Variants in AKAP13 observed in about 807,000 individuals in gnomAD.
AKAP13 encodes A-kinase anchor protein 13.
AKAP13 carries 80 observed loss-of-function variants against 264.5 expected under a neutral mutation model. That is an observed-to-expected ratio of 0.30 (90% CI 0.25 to 0.36). AKAP13 has a LOEUF of 0.36. Among genes scored for constraint, AKAP13 ranks in the 10% least tolerant of loss-of-function variants. The pLI is 1.00. For synonymous variants in AKAP13, 1,380 were observed against 1,250.2 expected (o/e 1.10, Z -2.19); for missense variants, 3,712 against 3,435.2 (o/e 1.08, Z -2.01).
At position 85,442,645 on chromosome 15, in the gene AKAP13, T is replaced by A. The variant is rs374942262; in HGVS notation, c.-11-43065T>A. 1.4e-4 allele frequency among the ~76,000 whole-genome samples: 21 copies of A among 150,484 alleles called. No homozygotes were observed. In the East Asian group the frequency reaches 3.5e-3, roughly 25 times the overall value. On this transcript the variant is annotated intron_variant, in intron 1 of 36. Transcript: ENST00000394518. ...TCTAACTATAAAACTAAAACATGTT[T>A]ATTACAGAAACGTTTGGAAATTACC...
chr15:85,410,371 A>G (rs1307414085), intron 1 of AKAP13, among the ~76,000 whole-genome samples: 1 of 151,490 alleles, frequency 6.6e-6, no homozygotes, highest in Non-Finnish European at 1.5e-5. Context: ...ATGGCTTCAA[A>G]ATAGGTCTTC....
intron 8 of AKAP13, among the ~76,000 whole-genome samples, chr15:85,610,095 G>A (rs2080536649): frequency 6.6e-6 from 1 of 152,158 alleles, no homozygotes; most frequent in African/African-American, 2.4e-5. Context: ...TTTGCTGAAT[G>A]GGTAAAGAAA....
chr15:85,721,746 T>C (rs1452079106), intron 23 of AKAP13, among the ~76,000 whole-genome samples: 1 of 152,264 alleles, frequency 6.6e-6, no homozygotes, highest in East Asian at 1.9e-4. Context: ...TTTTTTGTTG[T>C]TTTTCAAATC....
chr15:85,607,700 T>TG (rs2080416930), intron 8 of AKAP13, among the ~76,000 whole-genome samples: 1 of 152,026 alleles, frequency 6.6e-6, no homozygotes, highest in South Asian at 2.1e-4. Flanking sequence ...CTCCACTCTT[T>TG]AAACATATTT....
chr15:85,441,829 C>T (rs1348882964), intron 1 of AKAP13, among the ~76,000 whole-genome samples: 1 of 151,934 alleles, frequency 6.6e-6, no homozygotes, highest in African/African-American at 2.4e-5. Flanking sequence ...TGTGAACACA[C>T]GCCTTCATTT....
At chr15:85,461,019 T>C (rs1186369786) in intron 1 of AKAP13, among the ~76,000 whole-genome samples, 2 of 152,174 alleles carry the variant, frequency 1.3e-5, no homozygotes. Context: ...ATGAATATAC[T>C]GTCATTGCAT....
At chr15:85,699,350 A>G (rs1320678370) in intron 17 of AKAP13, among the ~76,000 whole-genome samples, 1 of 152,088 alleles carries the variant, frequency 6.6e-6, no homozygotes, top group Non-Finnish European at 1.5e-5. Flanking sequence ...AGGCTGAGGC[A>G]GGAGAATCAC....
chr15:85,565,701 A>G (rs1274197560), intron 5 of AKAP13, among the ~76,000 whole-genome samples: 2 of 152,236 alleles, frequency 1.3e-5, no homozygotes, highest in South Asian at 4.1e-4. Flanking sequence ...ATTGTAGAGC[A>G]TTCAGATACA....
At chr15:85,475,397 A>C (rs2075124284) in intron 1 of AKAP13, among the ~76,000 whole-genome samples, 1 of 152,126 alleles carries the variant, frequency 6.6e-6, no homozygotes, top group Non-Finnish European at 1.5e-5. Flanking sequence ...GGCCATTGGG[A>C]GTTTTCTTCT....
intron 33 of AKAP13, among the ~76,000 whole-genome samples, chr15:85,738,253 A>G (rs181157926): frequency 0.015 from 2,322 of 151,694 alleles, 60 homozygotes; most frequent in African/African-American, 0.051. Flanking sequence ...TTAGCCAGGC[A>G]TGGTGGTGGA....
chr15:85,387,842 C>T (rs989073809), intron 1 of AKAP13, among the ~76,000 whole-genome samples: 4 of 152,100 alleles, frequency 2.6e-5, no homozygotes, highest in African/African-American at 7.2e-5. Flanking sequence ...TTCTCAATTT[C>T]CAGTTGCTCA....
At chr15:85,440,535 C>T (rs80033235) in intron 1 of AKAP13, among the ~76,000 whole-genome samples, 489 of 152,196 alleles carry the variant, frequency 3.2e-3, no homozygotes, top group African/African-American at 0.011. Flanking sequence ...AAGGAGCTTT[C>T]TTCTTTCTAT....
In AKAP13 at chr15:85,744,730, C is replaced by T; in HGVS notation, c.*53C>T. Reference sequence around the variant, plus strand: ...CCTCCTGATCCTGGCCAGCCCACCTCTCCTGCTGTCCCCGCGTGCACAAGT... The same window carrying T: ...CCTCCTGATCCTGGCCAGCCCACCTTTCCTGCTGTCCCCGCGTGCACAAGT... On this transcript the variant is annotated 3_prime_UTR_variant, in exon 37 of 37. Transcript: ENST00000394518. The T allele has an allele frequency of 6.6e-7, 1 of 1,511,480 alleles. No individual in the cohort carries two copies. The highest frequency in any genetic ancestry group is 8.9e-7 in the Non-Finnish European group (1 of 1,117,660). 93.6% of individuals were successfully genotyped at this position (1,511,480 alleles called of 1,614,324 possible). A position where few individuals can be genotyped will look rare whatever the true frequency, so the allele number is the denominator to read the frequency against.
chr15:85,592,414 A>C (rs1456899864), intron 8 of AKAP13, among the ~76,000 whole-genome samples: 1 of 152,172 alleles, frequency 6.6e-6, no homozygotes, highest in Non-Finnish European at 1.5e-5. Context: ...TATAATGCTG[A>C]TATTCAAAAT....
chr15:85,536,985 A>G (rs979639608), intron 4 of AKAP13: 1 of 152,374 alleles, frequency 6.6e-6, no homozygotes, highest in Admixed American at 6.5e-5. Flanking sequence ...ATTTAAAATA[A>G]TAAAATAACA....
At position 85,727,627 on chromosome 15, in the gene AKAP13, G is replaced by A. The variant is rs1188434529; in HGVS notation, c.7087+164G>A. On this transcript the variant is annotated intron_variant, in intron 29 of 36. Coordinates refer to ENST00000394518, the MANE Select transcript of AKAP13 (RefSeq NM_007200.5). This position sits in a 1 kb window ranked among gnomAD's most constrained non-coding sequence, Gnocchi z 5.3. ...AGCTGTTAACAAAAGAGAAACCAAG[G>A]CCAGGCTGACATGGGTCCTCGTAAA... 2.6e-5 allele frequency among the ~76,000 whole-genome samples: 4 copies of A among 152,140 alleles called. No individual in the cohort carries two copies. Among genetic ancestry groups the A allele is most frequent in the African/African-American group, 7.2e-5 (3 of 41,428 alleles).
intron 1 of AKAP13, among the ~76,000 whole-genome samples, chr15:85,462,868 C>G (rs893596984): frequency 6.7e-6 from 1 of 149,774 alleles, no homozygotes; most frequent in South Asian, 2.1e-4. Context: ...ACTAAAAATA[C>G]AAAAAATTAG....
intron 9 of AKAP13, among the ~76,000 whole-genome samples, chr15:85,640,679 C>T (rs374952815): frequency 2.0e-5 from 3 of 152,254 alleles, no homozygotes; most frequent in Admixed American, 6.5e-5. Flanking sequence ...TCTACTTAAA[C>T]GTGTACCACT....
rs780046676 is a variant in AKAP13 at position 85,485,764 on chromosome 15, C to A, written c.33+11C>A. The A allele has an allele frequency of 4.3e-6, 7 of 1,610,944 alleles. No individual in the cohort carries two copies. Among genetic ancestry groups the A allele is most frequent in the South Asian group, 2.2e-5 (2 of 91,008 alleles). ...CAAGCTCCCTTATATGTGAGTAAAT[C>A]ATGAGATTTCTTATTATTTTGTGTT... On this transcript the variant is annotated intron_variant, in intron 2 of 36. Coordinates refer to ENST00000394518, the MANE Select transcript of AKAP13 (RefSeq NM_007200.5).
Sources: gnomAD v4.1 joint callset for allele counts (sites outside exome capture counted in the v4.1 genomes callset) on GRCh38, gnomAD v4.1.1 for gene constraint, Gnocchi (gnomAD v3.1) non-coding constraint, MANE v1.5 for transcripts, NCBI Gene and HGNC (gene_info 2026-07-23, HGNC 2026-07-21) for gene names.